The following MAST2 variants were observed in gnomAD, a reference collection of about 807,000 sequenced individuals.
MAST2 encodes microtubule associated serine/threonine kinase 2.
MAST2 carries 70 observed loss-of-function variants against 147.4 expected under a neutral mutation model. The observed-to-expected ratio is 0.47, with a 90% CI of 0.39 to 0.58. The LOEUF (loss-of-function observed/expected upper bound fraction) is 0.58, where lower values mean the gene tolerates loss of function less well. Among genes scored for constraint, MAST2 ranks in the 20% least tolerant of loss-of-function variants. MAST2 has a pLI of 0.00. For synonymous variants in MAST2, 869 were observed against 896.8 expected (o/e 0.97, Z 0.55); for missense variants, 2,080 against 2,302.3 (o/e 0.90, Z 1.98).
intron 4 of MAST2, among the ~76,000 whole-genome samples, chr1:45,936,277 C>A (rs944941771): frequency 1.3e-5 from 2 of 152,092 alleles, no homozygotes; most frequent in Non-Finnish European, 2.9e-5. Context: ...TTTATCAGAT[C>A]TAGGAACCTT....
intron 3 of MAST2, among the ~76,000 whole-genome samples, chr1:45,876,082 T>C (rs1487248224): frequency 1.3e-5 from 2 of 152,156 alleles, no homozygotes; most frequent in Admixed American, 6.6e-5. Context: ...GAAGAGTGAA[T>C]GATACTATCA....
intron 3 of MAST2, among the ~76,000 whole-genome samples, chr1:45,873,880 G>A (rs774384341): frequency 1.3e-5 from 2 of 152,158 alleles, no homozygotes; most frequent in African/African-American, 4.8e-5. Context: ...GAGTGCAGTG[G>A]TGTGATCTTG....
intron 3 of MAST2, among the ~76,000 whole-genome samples, chr1:45,860,799 T>C (rs1264048824): frequency 3.3e-5 from 5 of 151,990 alleles, no homozygotes; most frequent in Non-Finnish European, 7.4e-5. Flanking sequence ...GCCATTGCAC[T>C]GCAGCCTGGG....
At chr1:46,012,462 A>C (rs893696924) in intron 10 of MAST2, among the ~76,000 whole-genome samples, 2 of 152,200 alleles carry the variant, frequency 1.3e-5, no homozygotes, top group Non-Finnish European at 2.9e-5. Context: ...TATCTTAGGG[A>C]ATTTGCCATC....
chr1:45,926,003 A>AT (rs1245548502), intron 4 of MAST2, among the ~76,000 whole-genome samples: 3 of 152,166 alleles, frequency 2.0e-5, no homozygotes, highest in Non-Finnish European at 4.4e-5. Context: ...TGTCAAAATT[A>AT]TTTCCTGCCA....
intron 4 of MAST2, among the ~76,000 whole-genome samples, chr1:45,906,419 A>G (rs941459340): frequency 1.3e-5 from 2 of 151,910 alleles, no homozygotes; most frequent in African/African-American, 2.4e-5. Flanking sequence ...TATAGCCTGC[A>G]GATGTAGAGA....
intron 16 of MAST2, 34 bp from the exon 17 acceptor site, chr1:46,027,697 A>T: frequency 6.3e-7 from 1 of 1,597,756 alleles, no homozygotes; most frequent in Non-Finnish European, 8.5e-7. Context: ...AAAACCAGGA[A>T]TAACTTCTTA....
At chr1:45,873,289 C>A (rs1289973040) in intron 3 of MAST2, among the ~76,000 whole-genome samples, 1 of 151,446 alleles carries the variant, frequency 6.6e-6, no homozygotes, top group Admixed American at 6.6e-5. Context: ...CACCTCTGGT[C>A]TCAAGCGATC....
Position 46,023,459 on chromosome 1 carries a change from G to T in MAST2, c.1571+141G>T. The T allele has an allele frequency of 1.3e-6, 1 of 752,886 alleles. No homozygotes were observed. The highest frequency in any genetic ancestry group is 2.3e-6 in the Non-Finnish European group (1 of 442,982). 46.6% of individuals were successfully genotyped at this position (752,886 alleles called of 1,614,324 possible). ...TCACTCCCAGAAGCCTCCTGGGTGG[G>T]CAGGAGTTCAGATTCCTCTGACATC... On this transcript the variant is annotated intron_variant, in intron 14 of 28. Coordinates refer to ENST00000361297, the MANE Select transcript of MAST2 (RefSeq NM_015112.3). This position sits in a 1 kb window ranked among gnomAD's most constrained non-coding sequence, Gnocchi z 4.9.
chr1:45,828,568 C>A (rs1644859195), intron 2 of MAST2, among the ~76,000 whole-genome samples: 1 of 152,140 alleles, frequency 6.6e-6, no homozygotes, highest in Non-Finnish European at 1.5e-5. Flanking sequence ...GGTTAGATCA[C>A]AAGCAAAAGT....
At chr1:45,833,541 A>G (rs745388949) in intron 3 of MAST2, among the ~76,000 whole-genome samples, 1 of 152,202 alleles carries the variant, frequency 6.6e-6, no homozygotes, top group African/African-American at 2.4e-5. Flanking sequence ...GTGGATATAT[A>G]TCTAGGAGAG....
chr1:45,812,969 T>A (rs1391573769), intron 1 of MAST2, among the ~76,000 whole-genome samples: 2 of 152,122 alleles, frequency 1.3e-5, no homozygotes, highest in Non-Finnish European at 1.5e-5. Context: ...GCTGCTACAG[T>A]TGTCCCTCAA....
At chr1:45,884,560 T>G (rs1023350552) in intron 4 of MAST2, among the ~76,000 whole-genome samples, 3 of 151,752 alleles carry the variant, frequency 2.0e-5, no homozygotes, top group Non-Finnish European at 4.4e-5. Context: ...AAAAAATAAA[T>G]AAATAAATAA....
intron 4 of MAST2, among the ~76,000 whole-genome samples, chr1:45,927,035 G>C (rs979369674): frequency 6.6e-6 from 1 of 152,126 alleles, no homozygotes; most frequent in Non-Finnish European, 1.5e-5. Context: ...CTGGGTGTCC[G>C]GGGGAGACAT....
intron 4 of MAST2, among the ~76,000 whole-genome samples, chr1:45,912,345 G>T (rs1442757990): frequency 6.6e-6 from 1 of 152,192 alleles, no homozygotes; most frequent in Non-Finnish European, 1.5e-5. Flanking sequence ...ATGTATTTCA[G>T]TAATGGATGT....
chr1:45,988,341 G>C (rs1426706894), intron 5 of MAST2, among the ~76,000 whole-genome samples: 2 of 152,088 alleles, frequency 1.3e-5, no homozygotes, highest in African/African-American at 4.8e-5. Flanking sequence ...TTTCTTCTTT[G>C]ACCCACAAAT....
At chr1:45,944,904 A>G (rs1208660290) in intron 4 of MAST2, among the ~76,000 whole-genome samples, 1 of 152,198 alleles carries the variant, frequency 6.6e-6, no homozygotes, top group African/African-American at 2.4e-5. Context: ...CTCTTCAGCT[A>G]TGAGCCTCTG....
chr1:45,829,554 G>C lies in MAST2; in HGVS notation c.441G>C (p.Gln147His). 1.2e-6 allele frequency: 2 copies of C among 1,613,966 alleles called. No individual in the cohort carries two copies. Among genetic ancestry groups the C allele is most frequent in the Non-Finnish European group, 1.7e-6 (2 of 1,179,958 alleles). ...GAATGAGAAACCAGTCCCTTGGACA[G>C]TCTGCACCTTCTCTTACTGCTGGCC... ...LVRMRNQSLGQSAPSLTAGLK... is the reference protein window; with the variant it reads ...LVRMRNQSLGHSAPSLTAGLK... The change falls in exon 3 of 29, where the codon CAG (glutamine) becomes CAC (histidine). Residue 147 changes from glutamine (Q) to histidine (H), a missense_variant. By Grantham distance (24) the Gln-to-His change is conservative. This residue lies in a region of MAST2 where 569 missense variants were observed against 642.5 expected (regional missense o/e 0.89). Coordinates refer to ENST00000361297, the MANE Select transcript of MAST2 (RefSeq NM_015112.3).
chr1:46,020,923 G>C (rs1646155944), intron 11 of MAST2, among the ~76,000 whole-genome samples: 3 of 152,174 alleles, frequency 2.0e-5, no homozygotes, highest in Admixed American at 2.0e-4. Context: ...TCCTAAGAAA[G>C]ATTACTTTGG....
Sources: gnomAD v4.1 joint callset for allele counts (sites outside exome capture counted in the v4.1 genomes callset) on GRCh38, gnomAD v4.1.1 for gene constraint, gnomAD v4.1.1 regional missense constraint, Gnocchi (gnomAD v3.1) non-coding constraint, MANE v1.5 for transcripts, NCBI Gene and HGNC (gene_info 2026-07-23, HGNC 2026-07-21) for gene names.